The following SUZ12 variants were observed in gnomAD, a reference collection of about 807,000 sequenced individuals.
The protein encoded by SUZ12 is polycomb protein SUZ12.
In SUZ12, 17 loss-of-function variants were observed where a neutral mutation model predicts 87.3. That is an observed-to-expected ratio of 0.19 (90% CI 0.13 to 0.29). SUZ12 has a LOEUF of 0.29. Among genes scored for constraint, SUZ12 ranks in the 10% least tolerant of loss-of-function variants. The probability of loss-of-function intolerance (pLI) is 1.00; values close to 1 mark genes in which losing one functional copy is unlikely to be tolerated. For synonymous variants in SUZ12, 253 were observed against 312.4 expected, an observed-to-expected ratio of 0.81 and a Z score of 2.01; for missense variants, 526 against 912.2, an observed-to-expected ratio of 0.58 and a Z score of 5.45.
chr17:31,982,140 T>G (rs2142192712), intron 8 of SUZ12, among the ~76,000 whole-genome samples: 1 of 152,342 alleles, frequency 6.6e-6, no homozygotes, highest in Admixed American at 6.5e-5. Flanking sequence ...ATATTTGAAT[T>G]ATTTGATTCA....
intron 6 of SUZ12, among the ~76,000 whole-genome samples, chr17:31,974,945 A>T (rs866718914): frequency 6.6e-5 from 10 of 152,134 alleles, no homozygotes; most frequent in African/African-American, 2.2e-4. Flanking sequence ...TGTTTTTTTA[A>T]GGATGATGAT....
intron 4 of SUZ12, among the ~76,000 whole-genome samples, chr17:31,949,666 C>G: frequency 1.7e-5 from 1 of 60,006 alleles, no homozygotes; most frequent in Non-Finnish European, 4.1e-5. Flanking sequence ...CCCAGCCCCC[C>G]CCCCCCCCCC....
rs1905968083 is a variant in SUZ12, at chr17:31,937,089, C to T, written c.-158C>T. 1.2e-5 allele frequency: 7 copies of T among 598,760 alleles called. No individual in the cohort carries two copies. Among genetic ancestry groups the T allele is most frequent in the Non-Finnish European group, 1.5e-5 (6 of 389,492 alleles). The allele number at this position is 598,760 out of a possible 1,614,324, so 37.1% of individuals were successfully genotyped here. A position where few individuals can be genotyped will look rare whatever the true frequency, so the allele number is the denominator to read the frequency against. On this transcript the variant is annotated 5_prime_UTR_variant, in exon 1 of 16. Transcript: ENST00000322652. ...CACTTTTTTTTTCCTCCCTCCTTCC[C>T]TCCTCTCCTCCTCCCTTCCCTTCCC... is the stretch of plus-strand genomic sequence containing the variant.
At chr17:31,971,760 G>T (rs1908445507) in intron 5 of SUZ12, among the ~76,000 whole-genome samples, 1 of 151,948 alleles carries the variant, frequency 6.6e-6, no homozygotes, top group African/African-American at 2.4e-5. Flanking sequence ...TATGCTTTCT[G>T]CCAAGAAGCT....
chr17:31,993,110 A>T (rs946154279), intron 10 of SUZ12, 132 bp from the exon 11 acceptor site: 1 of 580,294 alleles, frequency 1.7e-6, no homozygotes, highest in Non-Finnish European at 2.9e-6. Flanking sequence ...GTTGAGGGAG[A>T]TAACAGAAAT....
intron 8 of SUZ12, among the ~76,000 whole-genome samples, chr17:31,982,613 T>A (rs977120040): frequency 6.6e-6 from 1 of 152,164 alleles, no homozygotes; most frequent in African/African-American, 2.4e-5. Flanking sequence ...GAGCGGAGAT[T>A]GCACCACTGC....
In SUZ12 at chr17:31,960,407, C is replaced by T. The variant is rs533107610; in HGVS notation, c.456-5740C>T. Among the ~76,000 whole-genome samples the T allele has an allele frequency of 7.9e-5, 12 of 152,048 alleles. No homozygotes were observed. In the East Asian group the frequency reaches 2.3e-3, roughly 29 times the overall value. ...TGTGTTTTTAGTAGAGATGAGGTTT[C>T]ACCACGTTGGTCAGGCTGGTCTCGA... On this transcript the variant is annotated intron_variant, in intron 4 of 15. Coordinates refer to ENST00000322652, the MANE Select transcript of SUZ12 (RefSeq NM_015355.4).
chr17:31,944,802 G>A (rs1368691021), intron 3 of SUZ12, among the ~76,000 whole-genome samples: 1 of 152,030 alleles, frequency 6.6e-6, no homozygotes, highest in African/African-American at 2.4e-5. Flanking sequence ...TTTGTCCTGG[G>A]TGCAAGATTA....
intron 4 of SUZ12, among the ~76,000 whole-genome samples, chr17:31,949,889 G>A (rs1906860051): frequency 6.6e-6 from 1 of 151,662 alleles, no homozygotes; most frequent in Non-Finnish European, 1.5e-5. Context: ...CACCATGTTG[G>A]CCAGGCTGGT....
intron 14 of SUZ12, 101 bp downstream of exon 14, chr17:31,995,863 A>T (rs35646011): frequency 0.084 from 26,702 of 317,946 alleles, 265 homozygotes; most frequent in South Asian, 0.13. Flanking sequence ...AACTTTTTTT[A>T]AAAAAAAAAA....
At chr17:31,943,786 C>T (rs1311595034) in intron 3 of SUZ12, among the ~76,000 whole-genome samples, 8 of 151,786 alleles carry the variant, frequency 5.3e-5, no homozygotes, top group Admixed American at 3.9e-4. Flanking sequence ...CTGCAGTCTT[C>T]GCCTCCCAAG....
chr17:31,937,570 C>T (rs1263564675), intron 1 of SUZ12, 50 bp downstream of exon 1: 12 of 1,526,614 alleles, frequency 7.9e-6, no homozygotes, highest in Admixed American at 2.0e-5. Flanking sequence ...CTGCCAACAC[C>T]GGGGATGGGA....
At chr17:31,971,421 CT>C (rs11383306) in intron 5 of SUZ12, among the ~76,000 whole-genome samples, 96 of 116,048 alleles carry the variant, frequency 8.3e-4, no homozygotes, top group East Asian at 3.6e-3. Flanking sequence ...TCTCCTGCAA[CT>C]TTTTTTTTTT....
intron 13 of SUZ12, 62 bp downstream of exon 13, chr17:31,994,783 A>G: frequency 6.5e-7 from 1 of 1,548,624 alleles, no homozygotes; most frequent in Non-Finnish European, 8.7e-7. Flanking sequence ...TTGGAGGAAC[A>G]AAGGAGCCAG....
intron 5 of SUZ12, among the ~76,000 whole-genome samples, chr17:31,969,339 G>A (rs1018319863): frequency 3.3e-5 from 5 of 152,054 alleles, no homozygotes; most frequent in Non-Finnish European, 7.4e-5. Context: ...TAGAGATGGG[G>A]TTTCTCCACG....
At chr17:31,990,121 ATTTTTT>A (rs59793925) in intron 10 of SUZ12, among the ~76,000 whole-genome samples, 3 of 99,862 alleles carry the variant, frequency 3.0e-5, no homozygotes, top group African/African-American at 9.2e-5. Context: ...TGCCCGGCTA[ATTTTTT>A]TTTTTTTTTT....
intron 4 of SUZ12, among the ~76,000 whole-genome samples, chr17:31,949,503 A>G (rs1012340851): frequency 1.3e-5 from 2 of 151,896 alleles, no homozygotes; most frequent in African/African-American, 4.8e-5. Context: ...AAGACCCTAC[A>G]TTATTAACTT....
rs922583828 is a variant in SUZ12, at chr17:31,999,442, T to C, written c.*439T>C. 4.3e-6 allele frequency: 1 copy of C among 231,740 alleles called. No individual in the cohort carries two copies. Among genetic ancestry groups the C allele is most frequent in the African/African-American group, 2.2e-5 (1 of 45,286 alleles). 14.4% of individuals were successfully genotyped at this position (231,740 alleles called of 1,614,324 possible). ...ATTGAAGTGGTCTTCATATGTCAACTACAGAAAAGGAAAAAAATAGAAATT... is the reference window on the plus strand; with the variant it reads ...ATTGAAGTGGTCTTCATATGTCAACCACAGAAAAGGAAAAAAATAGAAATT... On this transcript the variant is annotated 3_prime_UTR_variant, in exon 16 of 16. Coordinates refer to ENST00000322652, the MANE Select transcript of SUZ12 (RefSeq NM_015355.4).
At chr17:31,937,649 T>C (rs1372452071) in intron 1 of SUZ12, 129 bp downstream of exon 1, 1 of 1,277,530 alleles carries the variant, frequency 7.8e-7, no homozygotes, top group Non-Finnish European at 1.1e-6. Context: ...ATTGAGGGGA[T>C]GTCCCCCTTT....
Sources: allele counts gnomAD v4.1 joint callset (sites outside exome capture counted in the v4.1 genomes callset), GRCh38; gene constraint gnomAD v4.1.1; transcripts MANE v1.5; gene names NCBI Gene and HGNC (gene_info 2026-07-23, HGNC 2026-07-21).